The following UGT1A10 variants were observed in gnomAD, a reference collection of about 807,000 sequenced individuals.
UGT1A10 encodes the protein UDP glucuronosyltransferase family 1 member A10.
UGT1A10 carries 49 observed loss-of-function variants against 45.8 expected under a neutral mutation model. That is an observed-to-expected ratio of 1.07 (90% CI 0.85 to 1.36). The LOEUF is 1.36. UGT1A10 is among the 40% of genes most tolerant of loss of function. The pLI, the probability that UGT1A10 is intolerant of heterozygous loss-of-function variation, is 0.00. For synonymous variants in UGT1A10, 284 were observed against 249.7 expected (o/e 1.14, Z -1.29); for missense variants, 745 against 668.6 (o/e 1.11, Z -1.26).
rs748532468 is a variant in UGT1A10 at position 233,713,904 on chromosome 2, T to G, written c.856-53130T>G. ...CCAATCAATGTTCCAGGCAAAACACTTTTTAAAAAATGTATTTACTTACAA... is the reference window on the plus strand; with the variant it reads ...CCAATCAATGTTCCAGGCAAAACACGTTTTAAAAAATGTATTTACTTACAA... On this transcript the variant is annotated intron_variant, in intron 1 of 4. Transcript: ENST00000344644. 7 of 1,612,582 alleles carry G rather than the reference T, an allele frequency of 4.3e-6. No individual in the cohort carries two copies. The South Asian group carries it at 6.6e-5, about 15-fold the overall frequency.
chr2:233,688,585 G>C (rs924623717), intron 1 of UGT1A10, among the ~76,000 whole-genome samples: 1 of 152,028 alleles, frequency 6.6e-6, no homozygotes, highest in African/African-American at 2.4e-5. Context: ...ATCTTGTTTT[G>C]GTTGGTGTTA....
Position 233,637,100 on chromosome 2 carries a change from A to G in UGT1A10, c.578A>G (p.Asp193Gly), listed in dbSNP as rs2073314619. The G allele has an allele frequency of 1.2e-6, 2 of 1,613,864 alleles. No homozygotes were observed. The highest frequency in any genetic ancestry group is 1.7e-6 in the Non-Finnish European group (2 of 1,179,832). The change falls in exon 1 of 5, where the codon GAT becomes GGT. Residue 193 changes from aspartate (D) to glycine (G), a missense_variant. Physicochemically the swap from Asp to Gly is moderately conservative, Grantham distance 94. Transcript: ENST00000344644. ...CPAPLSYVPNDLLGFSDAMTF... is the reference protein window; with the variant it reads ...CPAPLSYVPNGLLGFSDAMTF... ...GCTCCTCTTTCCTATGTCCCCAATGATCTCTTAGGGTTCTCAGATGCCATG... is the reference window on the plus strand; with the variant it reads ...GCTCCTCTTTCCTATGTCCCCAATGGTCTCTTAGGGTTCTCAGATGCCATG...
At chr2:233,747,347 G>A (rs1693638720) in intron 1 of UGT1A10, 5 of 1,603,376 alleles carry the variant, frequency 3.1e-6, no homozygotes, top group Non-Finnish European at 4.3e-6. Context: ...CTCGCATGCG[G>A]GAGGCCGTGC....
At position 233,637,305 on chromosome 2, in the gene UGT1A10, T is replaced by C. The variant is rs1442407312; in HGVS notation, c.783T>C (p.Tyr261=). The C allele has an allele frequency of 6.2e-7, 1 of 1,613,878 alleles. No individual in the cohort carries two copies. Among genetic ancestry groups the C allele is most frequent in the Non-Finnish European group, 8.5e-7 (1 of 1,179,862 alleles). Residue 261 remains tyrosine, a synonymous_variant, in exon 1 of 5, where the codon TAT becomes TAC. Transcript: ENST00000344644. ...WLLRTDFVLD[Y]PKPVMPNMIF... is the part of the protein sequence containing the mutation. Reference sequence around the variant, plus strand: ...TGCGAACGGACTTTGTTTTGGACTATCCCAAACCCGTGATGCCCAACATGA... The same window carrying C: ...TGCGAACGGACTTTGTTTTGGACTACCCCAAACCCGTGATGCCCAACATGA...
intron 1 of UGT1A10, among the ~76,000 whole-genome samples, chr2:233,678,765 T>C (rs2074428580): frequency 1.3e-5 from 2 of 152,178 alleles, no homozygotes; most frequent in South Asian, 4.2e-4. Flanking sequence ...TATCAGGTCA[T>C]CTATTGATTC....
At chr2:233,741,949 G>A (rs188089498) in intron 1 of UGT1A10, 3 of 151,926 alleles carry the variant, frequency 2.0e-5, no homozygotes, top group Admixed American at 2.0e-4. Context: ...CAACAGAAAG[G>A]TACTTTCTTG....
Position 233,772,442 on chromosome 2 carries a change from C to T in UGT1A10, c.1476C>T (p.Leu492=), listed in dbSNP as rs1249728637. The T allele has an allele frequency of 1.2e-6, 2 of 1,614,208 alleles. No individual in the cohort carries two copies. Among genetic ancestry groups the T allele is most frequent in the Admixed American group, 3.3e-5 (2 of 60,020 alleles). ...ATTCCTTGGACGTGATTGGTTTCCTCTTGGCCGTCGTGCTGACAGTGGCCT... is the reference window on the plus strand; with the variant it reads ...ATTCCTTGGACGTGATTGGTTTCCTTTTGGCCGTCGTGCTGACAGTGGCCT... ...QYHSLDVIGF[L]LAVVLTVAFI... Residue 492 remains leucine, a synonymous_variant, in exon 5 of 5, where the codon CTC becomes CTT. Coordinates refer to ENST00000344644, the MANE Select transcript of UGT1A10 (RefSeq NM_019075.4).
chr2:233,743,984 C>T (rs1692627890), intron 1 of UGT1A10: 2 of 1,291,724 alleles, frequency 1.5e-6, no homozygotes, highest in South Asian at 1.3e-5. Context: ...CACCCAGGCG[C>T]AGGCCCGAGT....
intron 1 of UGT1A10, chr2:233,693,782 G>T (rs1430331548): frequency 3.1e-6 from 5 of 1,614,078 alleles, no homozygotes; most frequent in Non-Finnish European, 4.2e-6. Context: ...ATATGACTTT[G>T]TGCTTGAATA....
In UGT1A10 at chr2:233,690,676, G is replaced by A. The variant is rs2075002634; in HGVS notation, c.855+53299G>A. The A allele has an allele frequency of 4.0e-6, 5 of 1,262,194 alleles. No individual in the cohort carries two copies. The Admixed American group carries it at 1.4e-4, about 34-fold the overall frequency. 78.2% of individuals were successfully genotyped at this position (1,262,194 alleles called of 1,614,324 possible). On this transcript the variant is annotated intron_variant, in intron 1 of 4. Coordinates refer to ENST00000344644, the MANE Select transcript of UGT1A10 (RefSeq NM_019075.4). ...ACAGCACCAACCAGGGCAGGCCTGG[G>A]TCTCCAGCGGAGCTACTCTTTAGGG...
chr2:233,733,094 T>C (rs1220598340), intron 1 of UGT1A10, among the ~76,000 whole-genome samples: 7 of 152,326 alleles, frequency 4.6e-5, no homozygotes, highest in Non-Finnish European at 8.8e-5. Context: ...AGTTCACTCA[T>C]GGTTTGGCTC....
chr2:233,715,985 CACA>C (rs577493897), intron 1 of UGT1A10, among the ~76,000 whole-genome samples: 32 of 152,180 alleles, frequency 2.1e-4, no homozygotes, highest in Non-Finnish European at 4.4e-4. Context: ...TGATTTAAAA[CACA>C]ACAAAACCCA....
At chr2:233,657,796 A>T (rs1219520994) in intron 1 of UGT1A10, among the ~76,000 whole-genome samples, 1 of 152,094 alleles carries the variant, frequency 6.6e-6, no homozygotes, top group Non-Finnish European at 1.5e-5. Context: ...CCATCTGTAT[A>T]TGTTCTTTGG....
At chr2:233,758,159 G>T (rs1281366344) in intron 1 of UGT1A10, among the ~76,000 whole-genome samples, 1 of 152,206 alleles carries the variant, frequency 6.6e-6, no homozygotes, top group African/African-American at 2.4e-5. Context: ...AATGGGTTCT[G>T]CTTTGGTTTC....
intron 1 of UGT1A10, chr2:233,729,055 T>C (rs1328959185): frequency 6.2e-7 from 1 of 1,609,844 alleles, no homozygotes; most frequent in East Asian, 2.2e-5. Context: ...GACAAGGTAA[T>C]TAAGATGAAG....
intron 1 of UGT1A10, chr2:233,672,861 C>T (rs1442379672): frequency 6.5e-7 from 1 of 1,528,204 alleles, no homozygotes; most frequent in Non-Finnish European, 8.8e-7. Flanking sequence ...CTTTACTGAA[C>T]TGTGATTTGA....
At chr2:233,696,869 T>A (rs1016300613) in intron 1 of UGT1A10, among the ~76,000 whole-genome samples, 1 of 152,244 alleles carries the variant, frequency 6.6e-6, no homozygotes, top group African/African-American at 2.4e-5. Context: ...TTTTTCAGCA[T>A]CTACAACATA....
At chr2:233,754,553 C>G (rs139007444) in intron 1 of UGT1A10, 1 of 387,854 alleles carries the variant, frequency 2.6e-6, no homozygotes, top group Non-Finnish European at 5.1e-6. Context: ...TACTTGGTGT[C>G]AATGGGGAGC....
chr2:233,636,879 A>AT lies in UGT1A10; in HGVS notation c.364dup (p.Ser122PhefsTer8), dbSNP rs753787295. 5 of 1,614,000 alleles carry AT rather than the reference A, an allele frequency of 3.1e-6. No homozygotes were observed. In the South Asian group the frequency reaches 4.4e-5, roughly 14 times the overall value. On this transcript the variant is annotated frameshift_variant, in exon 1 of 5. Transcript: ENST00000344644. LOFTEE classifies it high-confidence loss of function. ...GTTCATCCAGTGGTTTTCTTGACTT[A>AT]TTTTTTTCGCATTGCAGGAGTTTGT...
Sources: gnomAD v4.1 joint callset for allele counts (sites outside exome capture counted in the v4.1 genomes callset) on GRCh38, gnomAD v4.1.1 for gene constraint, MANE v1.5 for transcripts, NCBI Gene and HGNC (gene_info 2026-07-23, HGNC 2026-07-21) for gene names.